MYO10: variants seen among roughly 807,000 people sequenced by gnomAD.
MYO10 encodes myosin X, also known as unconventional myosin-X.
MYO10 carries 133 observed loss-of-function variants against 257.3 expected under a neutral mutation model. The ratio of observed to expected loss-of-function variants is 0.52; its 90% CI spans 0.45 to 0.60. The LOEUF (loss-of-function observed/expected upper bound fraction) is 0.60. Ranked by LOEUF, MYO10 falls within the 20% of genes least tolerant of loss-of-function variation. The pLI is 0.00. For synonymous variants in MYO10, 1,104 were observed against 1,028.6 expected, an observed-to-expected ratio of 1.07 and a Z score of -1.40; for missense variants, 2,399 against 2,635.7, an observed-to-expected ratio of 0.91 and a Z score of 1.97.
chr5:16,794,538 C>T lies in MYO10; in HGVS notation c.467+108G>A, dbSNP rs950696794. ...GAAAACTCTGTCGGAGAAACTCAGG[C>T]GGTTGTAAAAGCTTCCTCTGGTTAA... On this transcript the variant is annotated intron_variant, in intron 4 of 40. Transcript: ENST00000513610. 1.0e-5 allele frequency: 11 copies of T among 1,052,012 alleles called. No homozygotes were observed. The East Asian group carries it at 1.8e-4, about 17-fold the overall frequency. The allele number at this position is 1,052,012 out of a possible 1,614,324, so 65.2% of individuals were successfully genotyped here.
At chr5:16,758,473 G>A (rs1028807684) in intron 17 of MYO10, among the ~76,000 whole-genome samples, 10 of 152,192 alleles carry the variant, frequency 6.6e-5, no homozygotes, top group Admixed American at 4.6e-4. Flanking sequence ...CAGTGACAAA[G>A]GGTGGAATCC....
At chr5:16,764,800 T>C (rs1467198947) in intron 11 of MYO10, among the ~76,000 whole-genome samples, 1 of 152,166 alleles carries the variant, frequency 6.6e-6, no homozygotes, top group Non-Finnish European at 1.5e-5. Flanking sequence ...GCGATTCTCC[T>C]GCTTCAGCCC....
rs1442901701 is a variant in MYO10 at position 16,818,131 on chromosome 5, T to C, written c.157A>G (p.Lys53Glu). Residue 53 changes from lysine (K) to glutamate (E), a missense_variant, in exon 3 of 41, where the codon AAG becomes GAG. Lys to Glu is a moderately conservative substitution (Grantham distance 56). Transcript: ENST00000513610. ...TTCGTGGGGTGCATAGCAGTCACCT[T>C]CTGGTGGGTAATTGTGCTCTGCTTG... ...TYKQSTITHQKVTAMHPTNEE... is the reference protein window; with the variant it reads ...TYKQSTITHQEVTAMHPTNEE... 6.2e-7 allele frequency: 1 copy of C among 1,605,170 alleles called. No individual in the cohort carries two copies. Among genetic ancestry groups the C allele is most frequent in the Non-Finnish European group, 8.5e-7 (1 of 1,173,624 alleles).
intron 2 of MYO10, among the ~76,000 whole-genome samples, chr5:16,837,321 AAAACATACTGACG>A (rs1743345167): frequency 6.6e-6 from 1 of 152,174 alleles, no homozygotes; most frequent in Non-Finnish European, 1.5e-5. Context: ...AAAAGAAAAA[AAAACATACTGACG>A]AACCTTGTAA....
intron 2 of MYO10, among the ~76,000 whole-genome samples, chr5:16,871,478 G>T (rs1744454432): frequency 6.6e-6 from 1 of 152,116 alleles, no homozygotes; most frequent in South Asian, 2.1e-4. Flanking sequence ...GTGGTGGCAT[G>T]TGCCCGTGGT....
intron 1 of MYO10, among the ~76,000 whole-genome samples, chr5:16,878,214 C>T (rs775289365): frequency 2.0e-5 from 3 of 152,116 alleles, no homozygotes; most frequent in Non-Finnish European, 4.4e-5. Context: ...GGTCAAAGTC[C>T]GGTACACTTG....
intron 2 of MYO10, among the ~76,000 whole-genome samples, chr5:16,848,656 C>T (rs1252257028): frequency 6.6e-6 from 1 of 151,468 alleles, no homozygotes; most frequent in African/African-American, 2.5e-5. Flanking sequence ...TTAGTAAACA[C>T]CTGGCGATAC....
intron 1 of MYO10, among the ~76,000 whole-genome samples, chr5:16,920,115 AG>A (rs750693655): frequency 5.3e-5 from 8 of 152,014 alleles, no homozygotes; most frequent in African/African-American, 7.2e-5. Flanking sequence ...GTCTCAAAAA[AG>A]AAAAAAAATT....
chr5:16,801,816 A>T (rs910238532), intron 3 of MYO10, among the ~76,000 whole-genome samples: 3 of 152,176 alleles, frequency 2.0e-5, no homozygotes, highest in Non-Finnish European at 2.9e-5. Flanking sequence ...ATGTTTTTTC[A>T]AACTTTTTAT....
At chr5:16,686,407 T>C (rs1044859168) in intron 28 of MYO10, among the ~76,000 whole-genome samples, 1 of 152,194 alleles carries the variant, frequency 6.6e-6, no homozygotes, top group African/African-American at 2.4e-5. Flanking sequence ...AGATTAGGGA[T>C]GCTTAACCGG....
chr5:16,909,477 G>A (rs1381312586), intron 1 of MYO10, among the ~76,000 whole-genome samples: 1 of 139,078 alleles, frequency 7.2e-6, no homozygotes, highest in East Asian at 2.1e-4. Context: ...CTGCACTCCA[G>A]CCCAGCCAAC....
chr5:16,807,929 G>A (rs1238731449), intron 3 of MYO10, among the ~76,000 whole-genome samples: 1 of 151,984 alleles, frequency 6.6e-6, no homozygotes, highest in Non-Finnish European at 1.5e-5. Flanking sequence ...AATCAATTAG[G>A]GACCTTTCAT....
At chr5:16,816,481 T>G (rs182082433) in intron 3 of MYO10, among the ~76,000 whole-genome samples, 25 of 152,008 alleles carry the variant, frequency 1.6e-4, no homozygotes, top group Middle Eastern at 3.4e-3. Flanking sequence ...AACCTGAATA[T>G]TAAGCATGCC....
At chr5:16,688,588 A>G (rs1191350812) in intron 28 of MYO10, among the ~76,000 whole-genome samples, 1 of 151,968 alleles carries the variant, frequency 6.6e-6, no homozygotes, top group Non-Finnish European at 1.5e-5. Context: ...AAAAAATACA[A>G]CATTTGCCAG....
chr5:16,898,686 G>A (rs1745287334), intron 1 of MYO10, among the ~76,000 whole-genome samples: 1 of 151,680 alleles, frequency 6.6e-6, no homozygotes, highest in African/African-American at 2.4e-5. Context: ...TGGGATTACA[G>A]GTGTGAGCCA....
intron 19 of MYO10, chr5:16,713,250 C>T: frequency 1.1e-6 from 1 of 915,194 alleles, no homozygotes; most frequent in Non-Finnish European, 1.3e-6. Context: ...TACAATTCCC[C>T]AGTCCGAAGC....
rs1326886677 is a variant in MYO10 at position 16,902,444 on chromosome 5, C to T, written c.22-24737G>A. 7.5e-5 allele frequency: 94 copies of T among 1,260,378 alleles called. 1 individual carries two copies. The highest frequency in any genetic ancestry group is 8.8e-5 in the Non-Finnish European group (77 of 871,860). The allele number at this position is 1,260,378 out of a possible 1,614,324, so 78.1% of individuals were successfully genotyped here. ...GACAGTAATGTAACTTCACATACAG[C>T]TTGGGAAGCACATAGGCATCGAAGA... On this transcript the variant is annotated intron_variant, in intron 1 of 40. Transcript: ENST00000513610.
At chr5:16,780,465 A>G in intron 8 of MYO10, 59 bp downstream of exon 8, 2 of 1,390,020 alleles carry the variant, frequency 1.4e-6, no homozygotes, top group South Asian at 2.5e-5. Context: ...ATTTACTGAC[A>G]TCTATTTAAA....
rs1211215243 is a variant in MYO10 at position 16,783,342 on chromosome 5, C to G, written c.595G>C (p.Glu199Gln). The change falls in exon 5 of 41, where the codon GAA becomes CAA. Residue 199 changes from glutamate to glutamine, a missense_variant. Coordinates refer to ENST00000513610, the MANE Select transcript of MYO10 (RefSeq NM_012334.3). ...KTSCVERAIL[E>Q]SSPIMEAFGN... is the part of the protein sequence containing the mutation. ...AAGAAAATCAATAAATACCTGCTTT[C>G]AAGAATAGCTCGTTCAACACAGGAT... is the stretch of plus-strand genomic sequence containing the variant. 1 of 1,577,362 alleles carries G rather than the reference C, an allele frequency of 6.3e-7. No individual in the cohort carries two copies. The highest frequency in any genetic ancestry group is 8.6e-7 in the Non-Finnish European group (1 of 1,164,678).
Sources: gnomAD v4.1 joint callset for allele counts (sites outside exome capture counted in the v4.1 genomes callset) on GRCh38, gnomAD v4.1.1 for gene constraint, MANE v1.5 for transcripts, NCBI Gene and HGNC (gene_info 2026-07-23, HGNC 2026-07-21) for gene names.